Variants in KIZ observed in about 807,000 individuals in gnomAD.
KIZ encodes centrosomal protein kizuna.
Under a neutral mutation model 79.6 loss-of-function variants are expected in KIZ, and 68 were observed. The observed-to-expected ratio is 0.85, with a 90% CI of 0.70 to 1.05. KIZ has a LOEUF of 1.05. Ranked by LOEUF, KIZ falls within the 50% of genes least tolerant of loss-of-function variation. The pLI, the probability that KIZ is intolerant of heterozygous loss-of-function variation, is 0.00. For synonymous variants in KIZ, 280 were observed against 281.8 expected (o/e 0.99, Z 0.06); for missense variants, 797 against 800.4 (o/e 1.00, Z 0.05).
intron 6 of KIZ, among the ~76,000 whole-genome samples, chr20:21,190,455 G>A (rs572264112): frequency 1.3e-5 from 2 of 152,290 alleles, no homozygotes; most frequent in African/African-American, 4.8e-5. Context: ...GACCTCTCTG[G>A]TTCCCAGTTG....
chr20:21,219,685 T>C (rs1292502815), intron 9 of KIZ, among the ~76,000 whole-genome samples: 1 of 152,208 alleles, frequency 6.6e-6, no homozygotes, highest in African/African-American at 2.4e-5. Context: ...TTCCTTCTAA[T>C]GCCAAGGGAC....
intron 9 of KIZ, among the ~76,000 whole-genome samples, chr20:21,227,106 T>G (rs6035813): frequency 0.58 from 88,624 of 152,054 alleles, 27,561 homozygotes; most frequent in South Asian, 0.78. Flanking sequence ...TTCACATTGG[T>G]AATTTCCTCC....
intron 3 of KIZ, among the ~76,000 whole-genome samples, chr20:21,141,191 A>G (rs1476130850): frequency 6.6e-6 from 1 of 152,036 alleles, no homozygotes; most frequent in Admixed American, 6.5e-5. Flanking sequence ...GGTCCCCATT[A>G]TCCTTGTCTC....
intron 11 of KIZ, among the ~76,000 whole-genome samples, chr20:21,242,888 C>T (rs1421457343): frequency 1.3e-5 from 2 of 152,152 alleles, no homozygotes; most frequent in Non-Finnish European, 2.9e-5. Context: ...TCTCCTGCTC[C>T]CCCTGTGGCT....
intron 3 of KIZ, among the ~76,000 whole-genome samples, chr20:21,142,940 C>G (rs1188563669): frequency 6.6e-6 from 1 of 152,150 alleles, no homozygotes; most frequent in Non-Finnish European, 1.5e-5. Flanking sequence ...TTGTGACAGA[C>G]ATTGTGAGCA....
At chr20:21,230,756 A>G (rs1053478175) in intron 10 of KIZ, among the ~76,000 whole-genome samples, 1 of 152,238 alleles carries the variant, frequency 6.6e-6, no homozygotes, top group African/African-American at 2.4e-5. Context: ...TTATTGAGTT[A>G]TAAAACAGGG....
At position 21,138,415 on chromosome 20, in the gene KIZ, A is replaced by G. The variant is rs80305473; in HGVS notation, c.315+1863A>G. Among the ~76,000 whole-genome samples, 84 of 152,330 alleles carry G rather than the reference A, an allele frequency of 5.5e-4. No homozygotes were observed. The East Asian group carries it at 0.016, about 29-fold the overall frequency. On this transcript the variant is annotated intron_variant, in intron 3 of 12. Transcript: ENST00000619189. ...AGTAGAATTTTCTGCAGTGATGACA[A>G]TGTTCTGTATCTATGCTGATGCTAT...
chr20:21,234,880 C>T (rs949912740), intron 11 of KIZ, among the ~76,000 whole-genome samples: 1 of 151,670 alleles, frequency 6.6e-6, no homozygotes, highest in Non-Finnish European at 1.5e-5. Flanking sequence ...TTTAAAGCAG[C>T]GGCTTGGGCG....
chr20:21,156,158 C>G (rs1392495551), intron 4 of KIZ, among the ~76,000 whole-genome samples: 2 of 152,164 alleles, frequency 1.3e-5, no homozygotes. Flanking sequence ...GGATCCCTCA[C>G]CTAGTTTCCA....
intron 6 of KIZ, among the ~76,000 whole-genome samples, chr20:21,185,427 T>TTA (rs2034834737): frequency 6.8e-6 from 1 of 147,044 alleles, no homozygotes; most frequent in Admixed American, 6.7e-5. Context: ...TTTTTTTTTT[T>TTA]GAGACGGATT....
intron 6 of KIZ, chr20:21,198,788 G>C (rs1288917585): frequency 6.6e-6 from 1 of 152,578 alleles, no homozygotes; most frequent in Non-Finnish European, 1.5e-5. Context: ...GACCTTCCTG[G>C]TCAGTAGCTT....
At chr20:21,135,029 A>G (rs2032103395) in intron 2 of KIZ, among the ~76,000 whole-genome samples, 1 of 152,192 alleles carries the variant, frequency 6.6e-6, no homozygotes, top group Non-Finnish European at 1.5e-5. Flanking sequence ...CTTTTCAGCT[A>G]GGTCAGGTTG....
chr20:21,128,515 T>C (rs6047265), intron 1 of KIZ, among the ~76,000 whole-genome samples: 4 of 152,348 alleles, frequency 2.6e-5, no homozygotes, highest in African/African-American at 9.6e-5. Flanking sequence ...ATTGCAATGT[T>C]AGCTGGTCAA....
chr20:21,231,969 C>A (rs1325096213), intron 10 of KIZ, among the ~76,000 whole-genome samples: 2 of 152,194 alleles, frequency 1.3e-5, no homozygotes, highest in Non-Finnish European at 2.9e-5. Context: ...TTAAAATAAT[C>A]ACTTTGCTGC....
At chr20:21,223,581 A>T (rs907730333) in intron 9 of KIZ, among the ~76,000 whole-genome samples, 10 of 151,668 alleles carry the variant, frequency 6.6e-5, no homozygotes, top group South Asian at 6.2e-4. Flanking sequence ...CTGCCTTTTT[A>T]AAAAAAAATT....
intron 6 of KIZ, chr20:21,195,216 A>G (rs2035287402): frequency 6.6e-6 from 1 of 152,274 alleles, no homozygotes; most frequent in Non-Finnish European, 1.5e-5. Context: ...TCGGCAAAGA[A>G]GAAAGGTTAT....
intron 12 of KIZ, chr20:21,244,974 C>T (rs1165277016): frequency 6.6e-6 from 1 of 152,564 alleles, no homozygotes; most frequent in Non-Finnish European, 1.5e-5. Context: ...TTTCCTTTTC[C>T]TCAGCCCAGT....
At chr20:21,137,901 A>T (rs560833985) in intron 3 of KIZ, among the ~76,000 whole-genome samples, 1 of 152,238 alleles carries the variant, frequency 6.6e-6, no homozygotes, top group South Asian at 2.1e-4. Context: ...CTCAGCCTCA[A>T]GCTGGGACTA....
Position 21,145,679 on chromosome 20 carries a change from TC to T in KIZ, c.405+26del, listed in dbSNP as rs1174754520. 3.9e-6 allele frequency: 4 copies of T among 1,025,896 alleles called. No individual in the cohort carries two copies. In the Admixed American group the frequency reaches 9.9e-5, roughly 25 times the overall value. 63.5% of individuals were successfully genotyped at this position (1,025,896 alleles called of 1,614,324 possible). On this transcript the variant is annotated intron_variant, in intron 4 of 12. Transcript: ENST00000619189. ...GGTAATAAACTAAATTGGTAACCTT[TC>T]TGTTAACAGAGGAATTCTGGAGTGT...
Sources: allele counts gnomAD v4.1 joint callset (sites outside exome capture counted in the v4.1 genomes callset), GRCh38; gene constraint gnomAD v4.1.1; transcripts MANE v1.5; gene names NCBI Gene and HGNC (gene_info 2026-07-23, HGNC 2026-07-21).